Variants in ABCG1 observed in about 807,000 individuals in gnomAD.
ABCG1 encodes ATP binding cassette subfamily G member 1.
In ABCG1, 29 loss-of-function variants were observed where a neutral mutation model predicts 69.2. The observed-to-expected ratio is 0.42, with a 90% CI of 0.31 to 0.57. The LOEUF (loss-of-function observed/expected upper bound fraction) is 0.57. Among genes scored for constraint, ABCG1 ranks in the 20% least tolerant of loss-of-function variants. The probability of loss-of-function intolerance (pLI) is 0.15; values close to 1 mark genes in which losing one functional copy is unlikely to be tolerated. For synonymous variants in ABCG1, 370 were observed against 374.8 expected (o/e 0.99, Z 0.15); for missense variants, 718 against 898.1 (o/e 0.80, Z 2.56).
rs549609254 is a variant in ABCG1 at position 42,271,128 on chromosome 21, C to T, written c.345C>T (p.Ala115=). The T allele has an allele frequency of 7.6e-6, 12 of 1,583,768 alleles. No individual in the cohort carries two copies. Among genetic ancestry groups the T allele is most frequent in the South Asian group, 1.2e-5 (1 of 86,406 alleles). Residue 115 remains alanine, a synonymous_variant, in exon 3 of 15, where the codon GCC becomes GCT. Transcript: ENST00000398449. ...AGTTCAATAGTGGTGAGTTGGTGGC[C>T]ATTATGGGTCCTTCCGGGGCCGGGA... ...SGKFNSGELV[A]IMGPSGAGKS...
In ABCG1 at chr21:42,254,481, A is replaced by T. The variant is rs538127324; in HGVS notation, c.287-16589A>T. ...TGCCCCCTGTGACTTAGAATCCCTC[A>T]CGTGTGTTTTGAGATCCATTTTGAT... On this transcript the variant is annotated intron_variant, in intron 2 of 14. Transcript: ENST00000398449. 2.1e-4 allele frequency among the ~76,000 whole-genome samples: 32 copies of T among 152,296 alleles called. 1 individual carries two copies. In the East Asian group the frequency reaches 6.2e-3, roughly 29 times the overall value.
At chr21:42,228,271 G>A (rs2123534453) in intron 2 of ABCG1, among the ~76,000 whole-genome samples, 1 of 152,316 alleles carries the variant, frequency 6.6e-6, no homozygotes, top group East Asian at 1.9e-4. Flanking sequence ...ACCTGCCCAT[G>A]ACTCAGAAAT....
intron 2 of ABCG1, among the ~76,000 whole-genome samples, chr21:42,245,500 G>A (rs2068118404): frequency 6.6e-6 from 1 of 152,278 alleles, no homozygotes; most frequent in African/African-American, 2.4e-5. Context: ...GGGTGGGTGC[G>A]GCCACACATC....
At chr21:42,218,641 G>A (rs1235229675), upstream of ABCG1, among the ~76,000 whole-genome samples, 2 of 152,142 alleles carry the variant, frequency 1.3e-5, no homozygotes, top group African/African-American at 4.8e-5. Context: ...GCTGTTGGGG[G>A]CGTTGGAGTG....
At chr21:42,257,224 T>TG (rs1266124793) in intron 2 of ABCG1, among the ~76,000 whole-genome samples, 1 of 152,194 alleles carries the variant, frequency 6.6e-6, no homozygotes, top group African/African-American at 2.4e-5. Context: ...TGGAATCTCC[T>TG]GGGTCATGCC....
chr21:42,214,098 A>G (rs2067615150), upstream of ABCG1, among the ~76,000 whole-genome samples: 1 of 152,220 alleles, frequency 6.6e-6, no homozygotes, highest in Non-Finnish European at 1.5e-5. Flanking sequence ...TATGGTCTGA[A>G]TGTTGGGGTT....
chr21:42,284,950 G>A (rs1320088727), intron 7 of ABCG1, among the ~76,000 whole-genome samples: 3 of 152,168 alleles, frequency 2.0e-5, no homozygotes, highest in South Asian at 2.1e-4. Flanking sequence ...CTCGTGGGGT[G>A]TCTTCATTTT....
intron 1 of ABCG1, among the ~76,000 whole-genome samples, chr21:42,220,652 C>T (rs2067710967): frequency 6.6e-6 from 1 of 152,276 alleles, no homozygotes. Context: ...CCTGCCTTCC[C>T]TGCGTGGCTT....
intron 2 of ABCG1, chr21:42,259,497 C>T (rs1193777885): frequency 1.9e-6 from 3 of 1,547,458 alleles, no homozygotes; most frequent in East Asian, 4.9e-5. Flanking sequence ...ATCCAACCGT[C>T]CACTCAAGGT....
chr21:42,276,954 G>A lies in ABCG1; in HGVS notation c.588+9G>A. ...AAGGCAGAAGGGAAATGGTAAGTGG[G>A]TTGTTTGGTGCCCACAAGTGGTCCA... On this transcript the variant is annotated intron_variant, in intron 5 of 14. Transcript: ENST00000398449. The surrounding 1 kb of genome is among the most constrained non-coding windows in gnomAD (Gnocchi z 5.3). 1 of 1,614,212 alleles carries A rather than the reference G, an allele frequency of 6.2e-7. No individual in the cohort carries two copies. The highest frequency in any genetic ancestry group is 2.2e-5 in the East Asian group (1 of 44,892).
Position 42,287,780 on chromosome 21 carries a change from T to A in ABCG1, c.974-109T>A. ...ATGCCATTAGCACCGCCACGCAGCA[T>A]CTATGTAATCGCTTTAAAACATTCC... On this transcript the variant is annotated intron_variant, in intron 8 of 14. Transcript: ENST00000398449. The surrounding 1 kb of genome is among the most constrained non-coding windows in gnomAD (Gnocchi z 6.2). 1 of 1,142,256 alleles carries A rather than the reference T, an allele frequency of 8.8e-7. No individual in the cohort carries two copies. The highest frequency in any genetic ancestry group is 1.2e-6 in the Non-Finnish European group (1 of 811,284). 70.8% of individuals were successfully genotyped at this position (1,142,256 alleles called of 1,614,324 possible). A position where few individuals can be genotyped will look rare whatever the true frequency, so the allele number is the denominator to read the frequency against.
chr21:42,293,133 CTACACACTACACACCA>C (rs1320726550), intron 13 of ABCG1, among the ~76,000 whole-genome samples: 1 of 138,404 alleles, frequency 7.2e-6, no homozygotes, highest in East Asian at 2.3e-4. Flanking sequence ...ACACCACACA[CTACACACTACACACCA>C]CACACGGTAC....
upstream of ABCG1, among the ~76,000 whole-genome samples, chr21:42,218,479 T>C (rs1298390699): frequency 6.6e-6 from 1 of 152,164 alleles, no homozygotes; most frequent in Non-Finnish European, 1.5e-5. Context: ...GCTTTTCTTT[T>C]TTTGTTCGGG....
At chr21:42,253,165 G>A (rs1294969610) in intron 2 of ABCG1, among the ~76,000 whole-genome samples, 3 of 152,206 alleles carry the variant, frequency 2.0e-5, no homozygotes, top group Admixed American at 6.5e-5. Flanking sequence ...CACCTGCCTG[G>A]CCCTGCATCC....
At chr21:42,239,257 TAAA>T (rs1434539967) in intron 2 of ABCG1, among the ~76,000 whole-genome samples, 2 of 152,184 alleles carry the variant, frequency 1.3e-5, no homozygotes, top group African/African-American at 2.4e-5. Context: ...ATATTAATAA[TAAA>T]AATATCCATC....
intron 1 of ABCG1, chr21:42,221,355 A>G (rs1379062584): frequency 1.3e-5 from 2 of 152,218 alleles, no homozygotes; most frequent in Non-Finnish European, 2.9e-5. Flanking sequence ...CTTCAGAGAT[A>G]CCAGGATCTT....
upstream of ABCG1, among the ~76,000 whole-genome samples, chr21:42,215,840 G>A (rs2067633746): frequency 6.6e-6 from 1 of 152,224 alleles, no homozygotes; most frequent in Non-Finnish European, 1.5e-5. Flanking sequence ...GTGATAGGGA[G>A]TCCAATTGGA....
At chr21:42,247,845 G>A (rs188293182) in intron 2 of ABCG1, among the ~76,000 whole-genome samples, 24 of 152,282 alleles carry the variant, frequency 1.6e-4, no homozygotes, top group African/African-American at 5.8e-4. Context: ...GAAGATGGAG[G>A]CAGCCGTTGG....
At position 42,279,511 on chromosome 21, in the gene ABCG1, C is replaced by A. The variant is rs559753776; in HGVS notation, c.588+2566C>A. ...GGCCACTGCCTGCTGTGCCCCGAGC[C>A]GAGCTTCACCTGTAACGTGGGGACA... On this transcript the variant is annotated intron_variant, in intron 5 of 14. Transcript: ENST00000398449. Among the ~76,000 whole-genome samples the A allele has an allele frequency of 3.3e-5, 5 of 152,332 alleles. 1 individual carries two copies. In the South Asian group the frequency reaches 1.0e-3, roughly 32 times the overall value.
Sources: gnomAD v4.1 joint callset for allele counts (sites outside exome capture counted in the v4.1 genomes callset) on GRCh38, gnomAD v4.1.1 for gene constraint, Gnocchi (gnomAD v3.1) non-coding constraint, MANE v1.5 for transcripts, NCBI Gene and HGNC (gene_info 2026-07-23, HGNC 2026-07-21) for gene names.